Variants in HEATR6 observed in about 807,000 individuals in gnomAD.
HEATR6 encodes HEAT repeat-containing protein 6.
HEATR6 carries 106 observed loss-of-function variants against 132.8 expected under a neutral mutation model. The observed-to-expected ratio is 0.80, with a 90% CI of 0.68 to 0.94. The LOEUF (loss-of-function observed/expected upper bound fraction) is 0.94, where lower values mean the gene tolerates loss of function less well. Ranked by LOEUF, HEATR6 falls within the 40% of genes least tolerant of loss-of-function variation. HEATR6 has a pLI of 0.00. For missense variants in HEATR6, 1,339 were observed against 1,425.1 expected (o/e 0.94, Z 0.97); for synonymous variants, 529 against 537.8 (o/e 0.98, Z 0.23).
chr17:60,043,753 G>A lies in HEATR6; in HGVS notation c.3356C>T (p.Thr1119Ile). Residue 1119 changes from threonine (T) to isoleucine (I), a missense_variant, in exon 20 of 20, where the codon ACT becomes ATT. Physicochemically the swap from Thr to Ile is moderately conservative, Grantham distance 89. Coordinates refer to ENST00000184956, the MANE Select transcript of HEATR6 (RefSeq NM_022070.5). ...FLKSGAEGDDTGAPHSPQERD... is the reference protein window; with the variant it reads ...FLKSGAEGDDIGAPHSPQERD... ...TTCCTGTGGGCTGTGGGGTGCTCCA[G>A]TGTCATCTCCCTCTGCTCCTGATTT... 1 of 1,614,194 alleles carries A rather than the reference G, an allele frequency of 6.2e-7. No homozygotes were observed. The highest frequency in any genetic ancestry group is 1.3e-5 in the African/African-American group (1 of 75,038).
rs570680493 is a variant in HEATR6 at position 60,069,928 on chromosome 17, G to C, written c.802-80C>G. ...ATCATAAACCATTAATCATAAAATA[G>C]AACTATTTACCATGTCTGGATCACA... is the stretch of plus-strand genomic sequence containing the variant. On this transcript the variant is annotated intron_variant, in intron 6 of 19. Transcript: ENST00000184956. The C allele has an allele frequency of 8.5e-6, 13 of 1,522,122 alleles. No homozygotes were observed. The African/African-American group carries it at 1.1e-4, about 13-fold the overall frequency. The allele number at this position is 1,522,122 out of a possible 1,614,324, so 94.3% of individuals were successfully genotyped here. A position where few individuals can be genotyped will look rare whatever the true frequency, so the allele number is the denominator to read the frequency against.
In HEATR6 at chr17:60,059,911, C is replaced by G. The variant is rs1337966778; in HGVS notation, c.1602G>C (p.Gln534His). Residue 534 changes from glutamine to histidine, a missense_variant, in exon 10 of 20, where the codon CAG becomes CAC. Physicochemically the swap from Gln to His is conservative, Grantham distance 24. Coordinates refer to ENST00000184956, the MANE Select transcript of HEATR6 (RefSeq NM_022070.5). ...TTACCTTAATTATCTGAGTAACGGT[C>G]TGTGAGGATGACTCCGCCACCAAAG... Reference protein sequence around the residue: ...LLALVAESSSQTVTQIIKCLA... With the variant: ...LLALVAESSSHTVTQIIKCLA... 3.7e-6 allele frequency: 6 copies of G among 1,613,484 alleles called. No individual in the cohort carries two copies. In the Admixed American group the frequency reaches 8.3e-5, roughly 22 times the overall value.
intron 9 of HEATR6, 68 bp from the exon 10 acceptor site, chr17:60,060,164 A>G (rs1301308677): frequency 2.0e-6 from 2 of 1,007,544 alleles, no homozygotes; most frequent in African/African-American, 3.2e-5. Flanking sequence ...CTTCCTATAC[A>G]TATTTAATGT....
chr17:60,057,448 C>CCATCTTTACAGTAGT, intron 11 of HEATR6, 45 bp from the exon 12 acceptor site: 1 of 1,262,630 alleles, frequency 7.9e-7, no homozygotes, highest in Non-Finnish European at 1.1e-6. Context: ...GCAACAACTA[C>CCATCTTTACAGTAGT]TGTAAAGATG....
chr17:60,067,879 A>C, intron 7 of HEATR6, 147 bp from the exon 8 acceptor site: 2 of 657,352 alleles, frequency 3.0e-6, no homozygotes, highest in Non-Finnish European at 2.5e-6. Context: ...AAAAAGTGTA[A>C]CTTCATTAAT....
rs777503837 is a variant in HEATR6, at chr17:60,057,260, G to C, written c.1867C>G (p.Pro623Ala). 3 of 1,614,214 alleles carry C rather than the reference G, an allele frequency of 1.9e-6. No individual in the cohort carries two copies. Among genetic ancestry groups the C allele is most frequent in the Non-Finnish European group, 2.5e-6 (3 of 1,180,032 alleles). The change falls in exon 12 of 20, where the codon CCT becomes GCT. Residue 623 changes from proline (P) to alanine (A), a missense_variant. Physicochemically the swap from Pro to Ala is conservative, Grantham distance 27. Transcript: ENST00000184956. ...NSNSATPHLS[P>A]PDWWKKAPAG... ...GGGGCTTTCTTCCACCAATCAGGAG[G>C]GCTGAGGTGAGGGGTTGCTGAATTG...
rs749396947 is a variant in HEATR6, at chr17:60,047,348, C to T, written c.2730G>A (p.Met910Ile). 5.0e-6 allele frequency: 8 copies of T among 1,613,324 alleles called. No individual in the cohort carries two copies. The highest frequency in any genetic ancestry group is 1.6e-4 in the Middle Eastern group (1 of 6,082). The change falls in exon 18 of 20, where the codon ATG becomes ATA. Residue 910 changes from methionine to isoleucine, a missense_variant. By Grantham distance (10) the Met-to-Ile change is conservative. Transcript: ENST00000184956. ...TGGATGCTTCTATAGCTGATCGTAA[C>T]ATTTTCAAGAGCAGGAGACCAGAGA... is the stretch of plus-strand genomic sequence containing the variant. ...EEFSGLLLLKMLRSAIEASKD... is the reference protein window; with the variant it reads ...EEFSGLLLLKILRSAIEASKD...
At chr17:60,059,375 G>T in intron 11 of HEATR6, 47 bp downstream of exon 11, 1 of 1,053,912 alleles carries the variant, frequency 9.5e-7, no homozygotes, top group Non-Finnish European at 1.5e-6. Flanking sequence ...CTAATAGTCT[G>T]CATCTGACTG....
Position 60,043,317 on chromosome 17 carries a change from AC to A in HEATR6, c.*245del. On this transcript the variant is annotated 3_prime_UTR_variant, in exon 20 of 20. Transcript: ENST00000184956. ...AAAGCCCGTCTGCTTGGCCTGTATT[AC>A]AACCTGACTCCTCGGCTCCTGGATG... 2 of 486,242 alleles carry A rather than the reference AC, an allele frequency of 4.1e-6. No individual in the cohort carries two copies. The highest frequency in any genetic ancestry group is 7.4e-5 in the Admixed American group (2 of 26,878). 30.1% of individuals were successfully genotyped at this position (486,242 alleles called of 1,614,324 possible).
Position 60,043,815 on chromosome 17 carries a change from A to C in HEATR6, c.3294T>G (p.Ser1098Arg), listed in dbSNP as rs780061088. The stretch of plus-strand genomic sequence containing the variant: ...GAATATAGGACTGGACCATATTCCC[A>C]CTCAGTTCAAGGGTTTCTTTCATAC... ...LPCMKETLEL[S>R]GNMVQSYILQ... Residue 1098 changes from serine (S) to arginine (R), a missense_variant, in exon 20 of 20, where the codon AGT becomes AGG. Physicochemically the swap from Ser to Arg is moderately radical, Grantham distance 110. Coordinates refer to ENST00000184956, the MANE Select transcript of HEATR6 (RefSeq NM_022070.5). 4 of 1,614,004 alleles carry C rather than the reference A, an allele frequency of 2.5e-6. No homozygotes were observed. The African/African-American group carries it at 5.3e-5, about 22-fold the overall frequency.
At chr17:60,074,502 T>C (rs1015396040) in intron 2 of HEATR6, among the ~76,000 whole-genome samples, 1 of 152,234 alleles carries the variant, frequency 6.6e-6, no homozygotes, top group African/African-American at 2.4e-5. Context: ...CACCTGAGAA[T>C]AGTAAACATA....
intron 12 of HEATR6, 65 bp downstream of exon 12, chr17:60,056,983 T>C: frequency 2.3e-6 from 3 of 1,286,786 alleles, no homozygotes; most frequent in South Asian, 2.9e-5. Flanking sequence ...TGCTCGCTCC[T>C]CACAGTCACT....
intron 9 of HEATR6, among the ~76,000 whole-genome samples, chr17:60,062,099 T>C (rs1269617591): frequency 6.6e-6 from 1 of 152,248 alleles, no homozygotes; most frequent in African/African-American, 2.4e-5. Context: ...ATTGTACTTC[T>C]CACAGTTCTG....
At chr17:60,055,688 C>T in intron 13 of HEATR6, 87 bp from the exon 14 acceptor site, 1 of 838,634 alleles carries the variant, frequency 1.2e-6, no homozygotes, top group Non-Finnish European at 1.9e-6. Flanking sequence ...GTAACACCTT[C>T]ACTCTAGTAA....
chr17:60,072,311 A>C lies in HEATR6; in HGVS notation c.603T>G (p.Tyr201Ter). Residue 201 changes from tyrosine to a stop codon, truncating the protein, a stop_gained, in exon 5 of 20, where the codon TAT becomes TAG. Transcript: ENST00000184956. LOFTEE classifies it high-confidence loss of function. The part of the protein sequence containing the change: ...NLCLSVPGQP[Y>*]LEEPYQNVCF... ...AGACATTTTGGTAGGGCTCCTCCAA[A>C]TACGGCTGTCCTGGCACACTAAACG... 6.2e-7 allele frequency: 1 copy of C among 1,609,276 alleles called. No homozygotes were observed.
Position 60,072,278 on chromosome 17 carries a change from T to C in HEATR6, c.636A>G (p.Gln212=). The C allele has an allele frequency of 2.5e-6, 4 of 1,611,832 alleles. No homozygotes were observed. The highest frequency in any genetic ancestry group is 3.4e-6 in the Non-Finnish European group (4 of 1,178,530). The change falls in exon 5 of 20, where the codon CAA becomes CAG. Residue 212 remains glutamine, a synonymous_variant. Coordinates refer to ENST00000184956, the MANE Select transcript of HEATR6 (RefSeq NM_022070.5). The part of the protein sequence containing the change: ...LEEPYQNVCF[Q]AFLTILQSPK... ...GAGACTGTAAAATAGTCAGAAAAGC[T>C]TGGAAACAGACATTTTGGTAGGGCT... is the stretch of plus-strand genomic sequence containing the variant.
At chr17:60,045,736 T>C (rs1906343400) in intron 19 of HEATR6, among the ~76,000 whole-genome samples, 1 of 152,254 alleles carries the variant, frequency 6.6e-6, no homozygotes, top group Non-Finnish European at 1.5e-5. Flanking sequence ...ATTGAGATCA[T>C]TCTGTAGAAA....
chr17:60,067,467 GA>G lies in HEATR6; in HGVS notation c.1204del (p.Ser402LeufsTer11). 1 of 1,568,118 alleles carries G rather than the reference GA, an allele frequency of 6.4e-7. No individual in the cohort carries two copies. The highest frequency in any genetic ancestry group is 8.6e-7 in the Non-Finnish European group (1 of 1,161,646). On this transcript the variant is annotated frameshift_variant, in exon 8 of 20. Coordinates refer to ENST00000184956, the MANE Select transcript of HEATR6 (RefSeq NM_022070.5). LOFTEE classifies it high-confidence loss of function. ...KRVSSSESDF[S>X]DAEGGMQSKM... The stretch of plus-strand genomic sequence containing the variant: ...ACTCTGCATGCCTCCTTCAGCATCA[GA>G]AAAGTCTGACTCACTACTGCTGACC...
chr17:60,050,704 C>G (rs188810765), intron 15 of HEATR6, 139 bp downstream of exon 15: 3 of 971,042 alleles, frequency 3.1e-6, no homozygotes, highest in Admixed American at 4.8e-5. Context: ...TTCCCCAGTG[C>G]CCTCATCCCC....
Sources: allele counts gnomAD v4.1 joint callset (sites outside exome capture counted in the v4.1 genomes callset), GRCh38; gene constraint gnomAD v4.1.1; transcripts MANE v1.5; gene names NCBI Gene and HGNC (gene_info 2026-07-23, HGNC 2026-07-21).